Variants in ACTR3C observed in about 807,000 individuals in gnomAD.
ACTR3C encodes actin-related protein 3C.
Under a neutral mutation model 26.3 loss-of-function variants are expected in ACTR3C, and 18 were observed. The observed-to-expected ratio is 0.68, with a 90% CI of 0.47 to 1.01. ACTR3C has a LOEUF of 1.01. Among genes scored for constraint, ACTR3C ranks in the 50% least tolerant of loss-of-function variants. The pLI, the probability that ACTR3C is intolerant of heterozygous loss-of-function variation, is 0.00. For synonymous variants in ACTR3C, 55 were observed against 94.5 expected (o/e 0.58, Z 2.42); for missense variants, 184 against 250.7 (o/e 0.73, Z 1.80).
At chr7:149,922,526 T>A in the ACTR3C span, among the ~76,000 whole-genome samples, 106,687 of 149,746 alleles carry the variant, frequency 0.71, 40,385 homozygotes, top group Non-Finnish European at 0.83. Context: ...TACCTTCAGA[T>A]ACGTATGCTT....
At chr7:150,038,699 C>G in the ACTR3C span, among the ~76,000 whole-genome samples, 1 of 142,354 alleles carries the variant, frequency 7.0e-6, no homozygotes, top group South Asian at 2.2e-4. Context: ...ACACCTAACA[C>G]CCACAGTCCT....
In ACTR3C at chr7:150,275,354, G is replaced by C. The variant is rs13311030; in HGVS notation, c.564+9399C>G. On this transcript the variant is annotated intron_variant, in intron 6 of 7. Coordinates refer to ENST00000683684, the MANE Select transcript of ACTR3C (RefSeq NM_001164458.2). ...CATAGCATATGAAACATAAATACAA[G>C]AGGACATATCTATCCACCTATTTAC... Among the ~76,000 whole-genome samples the C allele has an allele frequency of 8.7e-3, 1,326 of 152,308 alleles. 17 individuals carry two copies. Among genetic ancestry groups the C allele is most frequent in the African/African-American group, 0.03 (1,261 of 41,546 alleles).
the ACTR3C span, among the ~76,000 whole-genome samples, chr7:150,202,950 G>C: frequency 6.0e-3 from 916 of 152,316 alleles, 9 homozygotes; most frequent in African/African-American, 0.021. Context: ...AAAGAAATGA[G>C]AGGCTGTTAT....
chr7:150,082,266 C>A, the ACTR3C span, among the ~76,000 whole-genome samples: 963 of 152,258 alleles, frequency 6.3e-3, 9 homozygotes, highest in African/African-American at 0.022. Context: ...TGAAATACTA[C>A]CAAATGGGCA....
At chr7:150,034,929 AAC>A in the ACTR3C span, among the ~76,000 whole-genome samples, 1 of 143,228 alleles carries the variant, frequency 7.0e-6, no homozygotes, top group South Asian at 2.3e-4. Context: ...TGGGGGTACT[AAC>A]AGCCAGGGGC....
At chr7:150,089,037 C>T in the ACTR3C span, among the ~76,000 whole-genome samples, 13 of 152,204 alleles carry the variant, frequency 8.5e-5, no homozygotes, top group Non-Finnish European at 1.9e-4. Context: ...TGGAATACTT[C>T]AGGTAGACAT....
the ACTR3C span, among the ~76,000 whole-genome samples, chr7:150,086,680 G>C: frequency 6.6e-6 from 1 of 152,208 alleles, no homozygotes; most frequent in Non-Finnish European, 1.5e-5. Context: ...GGAGTTGAGG[G>C]CACCTCAAGG....
chr7:149,973,412 C>T, the ACTR3C span, among the ~76,000 whole-genome samples: 1 of 152,218 alleles, frequency 6.6e-6, no homozygotes, highest in Non-Finnish European at 1.5e-5. Context: ...ATACCCCTAA[C>T]AATTTTAAGA....
the ACTR3C span, among the ~76,000 whole-genome samples, chr7:149,887,527 G>T: frequency 6.6e-6 from 1 of 152,224 alleles, no homozygotes; most frequent in Non-Finnish European, 1.5e-5. Context: ...CAGCAGGCTG[G>T]ACGTACCATC....
At chr7:150,216,236 C>A in the ACTR3C span, among the ~76,000 whole-genome samples, 1 of 152,094 alleles carries the variant, frequency 6.6e-6, no homozygotes, top group African/African-American at 2.4e-5. Context: ...ATTTTCAGGA[C>A]CTATATCCAT....
chr7:150,031,923 T>C, the ACTR3C span, among the ~76,000 whole-genome samples: 1 of 152,242 alleles, frequency 6.6e-6, no homozygotes. Context: ...TCAGGCTGTA[T>C]TGTTTTCACC....
the ACTR3C span, among the ~76,000 whole-genome samples, chr7:150,125,406 T>C: frequency 2.0e-5 from 3 of 150,876 alleles, no homozygotes; most frequent in African/African-American, 2.4e-5. Flanking sequence ...ATAACTGTTT[T>C]GGTAAAATTT....
chr7:150,295,696 G>A (rs1352554530), intron 1 of ACTR3C, among the ~76,000 whole-genome samples: 1 of 150,032 alleles, frequency 6.7e-6, no homozygotes, highest in African/African-American at 2.5e-5. Context: ...CAACCAAGAC[G>A]AGTGAGGACA....
chr7:150,013,286 ACT>A, the ACTR3C span, among the ~76,000 whole-genome samples: 1 of 148,086 alleles, frequency 6.8e-6, no homozygotes, highest in African/African-American at 2.5e-5. Context: ...TAGATGGTAG[ACT>A]CTGCACAGAA....
At chr7:150,266,228 T>C (rs1482937741) in intron 6 of ACTR3C, among the ~76,000 whole-genome samples, 1 of 146,366 alleles carries the variant, frequency 6.8e-6, no homozygotes, top group Non-Finnish European at 1.5e-5. Context: ...AAAGGCATTA[T>C]ATAAATTCAT....
intron 1 of ACTR3C, among the ~76,000 whole-genome samples, chr7:150,314,988 T>C (rs960829031): frequency 1.3e-4 from 19 of 147,454 alleles, no homozygotes; most frequent in East Asian, 5.9e-4. Flanking sequence ...TTATTTTTAA[T>C]AATATTATTA....
the ACTR3C span, among the ~76,000 whole-genome samples, chr7:150,226,067 T>C: frequency 6.6e-6 from 1 of 152,266 alleles, no homozygotes; most frequent in African/African-American, 2.4e-5. Flanking sequence ...ATTCTATGGC[T>C]ACACCACACT....
the ACTR3C span, among the ~76,000 whole-genome samples, chr7:150,140,584 A>T: frequency 2.6e-5 from 4 of 152,166 alleles, no homozygotes; most frequent in African/African-American, 4.8e-5. Flanking sequence ...CAGATATCTA[A>T]GTGATACCAG....
At chr7:150,038,627 C>T in the ACTR3C span, among the ~76,000 whole-genome samples, 130,830 of 140,222 alleles carry the variant, frequency 0.93, 62,013 homozygotes, top group Middle Eastern at 0.99. Flanking sequence ...TCCCGAGCTG[C>T]GTTCGGACCC....
Sources: gnomAD v4.1 joint callset for allele counts (sites outside exome capture counted in the v4.1 genomes callset) on GRCh38, gnomAD v4.1.1 for gene constraint, MANE v1.5 for transcripts, NCBI Gene and HGNC (gene_info 2026-07-23, HGNC 2026-07-21) for gene names.